Variants in CACNB2 observed in about 807,000 individuals in gnomAD.
CACNB2 encodes the protein voltage-dependent L-type calcium channel subunit beta-2.
Under a neutral mutation model 73.3 loss-of-function variants are expected in CACNB2, and 42 were observed. That is an observed-to-expected ratio of 0.57 (90% CI 0.45 to 0.74). The LOEUF (loss-of-function observed/expected upper bound fraction) is 0.74. Among genes scored for constraint, CACNB2 ranks in the 30% least tolerant of loss-of-function variants. The pLI, the probability that CACNB2 is intolerant of heterozygous loss-of-function variation, is 0.00. For synonymous variants in CACNB2, 348 were observed against 310.3 expected (o/e 1.12, Z -1.28); for missense variants, 940 against 853.0 (o/e 1.10, Z -1.27).
chr10:18,289,452 A>G (rs1264583063), intron 2 of CACNB2, among the ~76,000 whole-genome samples: 1 of 148,140 alleles, frequency 6.8e-6, no homozygotes, highest in Non-Finnish European at 1.5e-5. Flanking sequence ...CTGACACCAC[A>G]CCCAGCTAAT....
At chr10:18,241,184 A>G (rs555523459) in intron 2 of CACNB2, among the ~76,000 whole-genome samples, 26 of 152,186 alleles carry the variant, frequency 1.7e-4, no homozygotes, top group African/African-American at 5.8e-4. Flanking sequence ...AATGTGTAAA[A>G]CCAAGCTGTG....
chr10:18,469,022 A>G (rs1189576403), intron 3 of CACNB2, among the ~76,000 whole-genome samples: 1 of 152,234 alleles, frequency 6.6e-6, no homozygotes, highest in Non-Finnish European at 1.5e-5. Context: ...TAATAATATT[A>G]AGAATTGTTT....
chr10:18,152,740 C>CAAAAA (rs57847393), intron 2 of CACNB2, among the ~76,000 whole-genome samples: 2 of 97,462 alleles, frequency 2.1e-5, no homozygotes, highest in African/African-American at 4.1e-5. Context: ...AAACAAAAAA[C>CAAAAA]AAAACACTAG....
intron 2 of CACNB2, among the ~76,000 whole-genome samples, chr10:18,164,020 G>C (rs992246324): frequency 3.3e-5 from 5 of 152,170 alleles, no homozygotes; most frequent in Non-Finnish European, 5.9e-5. Flanking sequence ...AGGGCCAAAG[G>C]GCAGGACTAA....
intron 3 of CACNB2, among the ~76,000 whole-genome samples, chr10:18,466,705 A>G (rs1039393753): frequency 4.6e-5 from 7 of 152,290 alleles, no homozygotes; most frequent in South Asian, 2.1e-4. Context: ...GGACTTCACA[A>G]TCTTTCATCT....
At chr10:18,383,818 G>T (rs1441841229) in intron 2 of CACNB2, among the ~76,000 whole-genome samples, 2 of 152,026 alleles carry the variant, frequency 1.3e-5, no homozygotes, top group African/African-American at 2.4e-5. Flanking sequence ...CGATTCTCCC[G>T]CCTCAGCCTC....
Position 18,493,473 on chromosome 10 carries a change from C to G in CACNB2, c.334-4882C>G, listed in dbSNP as rs149537817. 5.3e-4 allele frequency among the ~76,000 whole-genome samples: 81 copies of G among 152,188 alleles called. 1 individual carries two copies. Among genetic ancestry groups the G allele is most frequent in the Middle Eastern group, 3.4e-3 (1 of 294 alleles). On this transcript the variant is annotated intron_variant, in intron 3 of 13. Transcript: ENST00000324631. ...AAACCACTGCACCCATCCAAGTACA[C>G]TGTTTTATATCAAGGACTTGAACAT...
At chr10:18,270,763 A>G (rs902191827) in intron 2 of CACNB2, among the ~76,000 whole-genome samples, 1 of 151,972 alleles carries the variant, frequency 6.6e-6, no homozygotes, top group African/African-American at 2.4e-5. Flanking sequence ...ACCCTACCTT[A>G]TCCTAATTAT....
intron 6 of CACNB2, 70 bp from the exon 7 acceptor site, chr10:18,514,166 T>C: frequency 1.3e-6 from 2 of 1,539,920 alleles, no homozygotes; most frequent in Non-Finnish European, 1.8e-6. Context: ...TTTATTTGCT[T>C]TCATTTTATT....
At chr10:18,191,798 A>C (rs1779204) in intron 2 of CACNB2, among the ~76,000 whole-genome samples, 126,783 of 151,858 alleles carry the variant, frequency 0.83, 53,728 homozygotes, top group Non-Finnish European at 0.9. Context: ...AGTAGTATTC[A>C]GTTGTATAAA....
chr10:18,496,700 G>C (rs2049839878), intron 3 of CACNB2, among the ~76,000 whole-genome samples: 1 of 149,788 alleles, frequency 6.7e-6, no homozygotes, highest in Admixed American at 6.8e-5. Flanking sequence ...TGTAATCCCA[G>C]CAACTCGGGA....
chr10:18,525,947 T>C (rs1404101380), intron 9 of CACNB2, among the ~76,000 whole-genome samples: 1 of 152,220 alleles, frequency 6.6e-6, no homozygotes, highest in Non-Finnish European at 1.5e-5. Context: ...GATAAAACCA[T>C]CTTTTAGCTT....
chr10:18,212,291 C>A (rs972852021), intron 2 of CACNB2, among the ~76,000 whole-genome samples: 1 of 152,308 alleles, frequency 6.6e-6, no homozygotes, highest in South Asian at 2.1e-4. Context: ...AAATATTTTA[C>A]TTTCACCATT....
intron 6 of CACNB2, among the ~76,000 whole-genome samples, chr10:18,506,921 C>T (rs1032892228): frequency 6.6e-6 from 1 of 152,202 alleles, no homozygotes; most frequent in African/African-American, 2.4e-5. Flanking sequence ...ACCTCCGCTT[C>T]CCAAGTAGCT....
At chr10:18,299,417 G>C (rs2039416583) in intron 2 of CACNB2, among the ~76,000 whole-genome samples, 1 of 152,228 alleles carries the variant, frequency 6.6e-6, no homozygotes, top group African/African-American at 2.4e-5. Flanking sequence ...TGGAGAAGGG[G>C]AGCGGGAGCG....
chr10:18,270,959 C>A (rs990643969), intron 2 of CACNB2, among the ~76,000 whole-genome samples: 1 of 152,158 alleles, frequency 6.6e-6, no homozygotes, highest in Non-Finnish European at 1.5e-5. Flanking sequence ...CCTCTTTATT[C>A]CTACTTGTCA....
chr10:18,408,287 G>T, intron 3 of CACNB2, among the ~76,000 whole-genome samples: 1 of 127,642 alleles, frequency 7.8e-6, no homozygotes, highest in Non-Finnish European at 1.6e-5. Flanking sequence ...CACCCAGGCT[G>T]GAGTGCAGTG....
chr10:18,283,579 C>A (rs12249229), intron 2 of CACNB2, among the ~76,000 whole-genome samples: 113,237 of 151,296 alleles, frequency 0.75, 42,654 homozygotes, highest in East Asian at 0.99. Flanking sequence ...GACAGAAAAC[C>A]AAACACCGCA....
rs747958200 is a variant in CACNB2, at chr10:18,539,664, G to A, written c.1923G>A (p.Val641=). 2 of 1,611,592 alleles carry A rather than the reference G, an allele frequency of 1.2e-6. No individual in the cohort carries two copies. Among genetic ancestry groups the A allele is most frequent in the Non-Finnish European group, 8.5e-7 (1 of 1,179,454 alleles). Residue 641 remains valine, a synonymous_variant, in exon 14 of 14, where the codon GTG becomes GTA. Coordinates refer to ENST00000324631, the MANE Select transcript of CACNB2 (RefSeq NM_201596.3). ...KDRYCEKDGE[V]ISKKRNEAGE... is the part of the protein sequence containing the mutation. ...GCTACTGTGAAAAGGATGGAGAAGT[G>A]ATATCAAAAAAACGGAATGAGGCTG...
Sources: gnomAD v4.1 joint callset for allele counts (sites outside exome capture counted in the v4.1 genomes callset) on GRCh38, gnomAD v4.1.1 for gene constraint, MANE v1.5 for transcripts, NCBI Gene and HGNC (gene_info 2026-07-23, HGNC 2026-07-21) for gene names.